The following CCSER1 variants were observed in gnomAD, a reference collection of about 807,000 sequenced individuals.
CCSER1 encodes the protein coiled-coil serine rich protein 1, also known as serine-rich coiled-coil domain-containing protein 1.
Under a neutral mutation model 82.0 loss-of-function variants are expected in CCSER1, and 41 were observed. That is an observed-to-expected ratio of 0.50 (90% confidence interval 0.39 to 0.65). The LOEUF is 0.65. CCSER1 is among the 30% of genes least tolerant of loss of function. The pLI is 0.00. For synonymous variants in CCSER1, 414 were observed against 383.9 expected (o/e 1.08, Z -0.92); for missense variants, 1,119 against 1,064.2 (o/e 1.05, Z -0.72).
intron 1 of CCSER1, among the ~76,000 whole-genome samples, chr4:90,263,869 T>A (rs910850807): frequency 6.6e-6 from 1 of 152,150 alleles, no homozygotes; most frequent in African/African-American, 2.4e-5. Context: ...TGCAGCAGAC[T>A]ATTATACTCC....
chr4:90,193,301 G>A (rs1374330677), intron 1 of CCSER1, among the ~76,000 whole-genome samples: 1 of 152,030 alleles, frequency 6.6e-6, no homozygotes, highest in East Asian at 1.9e-4. Context: ...GGCACATAGT[G>A]TTCAATAAAT....
intron 7 of CCSER1, among the ~76,000 whole-genome samples, chr4:90,738,710 C>G (rs1323639088): frequency 6.6e-6 from 1 of 152,152 alleles, no homozygotes; most frequent in Non-Finnish European, 1.5e-5. Context: ...TTGTTTTCTT[C>G]CCTTCACGGC....
At position 91,238,094 on chromosome 4, in the gene CCSER1, G is replaced by T. The variant is rs76618292; in HGVS notation, c.2217+152100G>T. Among the ~76,000 whole-genome samples the T allele has an allele frequency of 2.9e-4, 44 of 152,158 alleles. No homozygotes were observed. The East Asian group carries it at 7.6e-3, about 26-fold the overall frequency. ...AATGACCCATTCTTTATATCATTCC[G>T]CTCTTCTTTAGTGTCAACAGGATTT... On this transcript the variant is annotated intron_variant, in intron 10 of 10. Coordinates refer to ENST00000509176, the MANE Select transcript of CCSER1 (RefSeq NM_001145065.2).
chr4:90,901,970 C>G (rs948973343), intron 8 of CCSER1, among the ~76,000 whole-genome samples: 2 of 151,790 alleles, frequency 1.3e-5, no homozygotes, highest in African/African-American at 4.8e-5. Flanking sequence ...TTCTTAAAGA[C>G]TTTCTTCATT....
At chr4:91,048,161 C>T (rs1183475880) in intron 9 of CCSER1, among the ~76,000 whole-genome samples, 1 of 151,908 alleles carries the variant, frequency 6.6e-6, no homozygotes, top group African/African-American at 2.4e-5. Context: ...TAATTTCCTT[C>T]CAAATAATTA....
At chr4:91,579,118 ATATTATTAT>A (rs925488520) in intron 10 of CCSER1, among the ~76,000 whole-genome samples, 12 of 150,870 alleles carry the variant, frequency 8.0e-5, no homozygotes, top group African/African-American at 2.7e-4. Context: ...TATTATTATT[ATATTATTAT>A]TATTATTATT....
At chr4:91,162,583 T>A (rs1455327156) in intron 10 of CCSER1, among the ~76,000 whole-genome samples, 1 of 152,208 alleles carries the variant, frequency 6.6e-6, no homozygotes, top group Admixed American at 6.5e-5. Context: ...GTTGCTAGGC[T>A]CTTAATTATT....
At chr4:90,715,541 C>A (rs1741484843) in intron 6 of CCSER1, among the ~76,000 whole-genome samples, 1 of 152,008 alleles carries the variant, frequency 6.6e-6, no homozygotes, top group Non-Finnish European at 1.5e-5. Context: ...AACACTGAGA[C>A]AATCATCTCT....
intron 9 of CCSER1, among the ~76,000 whole-genome samples, chr4:91,016,133 A>G (rs899647505): frequency 6.6e-6 from 1 of 152,036 alleles, no homozygotes; most frequent in Non-Finnish European, 1.5e-5. Context: ...AAAAATAATT[A>G]TAGTTTTAAT....
chr4:91,219,984 G>T (rs182423536), intron 10 of CCSER1, among the ~76,000 whole-genome samples: 1 of 152,128 alleles, frequency 6.6e-6, no homozygotes, highest in Non-Finnish European at 1.5e-5. Context: ...TACTCAAAAC[G>T]TCATATATAA....
rs572941642 is a variant in CCSER1 at position 90,578,027 on chromosome 4, G to C, written c.1725-49998G>C. The stretch of plus-strand genomic sequence containing the variant: ...ACAGTAGAAACTGAACTGATTTAGA[G>C]TATGTCAAACGTGGGTTAGACTCGT... On this transcript the variant is annotated intron_variant, in intron 5 of 10. Coordinates refer to ENST00000509176, the MANE Select transcript of CCSER1 (RefSeq NM_001145065.2). Among the ~76,000 whole-genome samples, 17 of 152,204 alleles carry C rather than the reference G, an allele frequency of 1.1e-4. No individual in the cohort carries two copies. The East Asian group carries it at 3.3e-3, about 29-fold the overall frequency.
Position 91,143,643 on chromosome 4 carries a change from T to G in CCSER1, c.2217+57649T>G, listed in dbSNP as rs139124699. Among the ~76,000 whole-genome samples the G allele has an allele frequency of 5.2e-3, 788 of 152,242 alleles. 2 individuals carry two copies. Among genetic ancestry groups the G allele is most frequent in the Non-Finnish European group, 8.1e-3 (548 of 67,964 alleles). On this transcript the variant is annotated intron_variant, in intron 10 of 10. Coordinates refer to ENST00000509176, the MANE Select transcript of CCSER1 (RefSeq NM_001145065.2). ...TGGCTCTTATTATTTTAAAGTATGTTACTTCAATGCCTAGTTTCTTTAGTA... is the reference window on the plus strand; with the variant it reads ...TGGCTCTTATTATTTTAAAGTATGTGACTTCAATGCCTAGTTTCTTTAGTA...
intron 1 of CCSER1, among the ~76,000 whole-genome samples, chr4:90,213,028 G>T (rs1287543137): frequency 6.6e-6 from 1 of 152,040 alleles, no homozygotes; most frequent in African/African-American, 2.4e-5. Flanking sequence ...AAGGATTTTG[G>T]GTTTTATCTG....
intron 4 of CCSER1, among the ~76,000 whole-genome samples, chr4:90,443,451 C>G (rs1760190824): frequency 6.6e-6 from 1 of 152,096 alleles, no homozygotes; most frequent in African/African-American, 2.4e-5. Context: ...GGAAGACTCA[C>G]ATCCTGGGTG....
chr4:90,809,206 G>A (rs1300294550), intron 7 of CCSER1, among the ~76,000 whole-genome samples: 2 of 150,584 alleles, frequency 1.3e-5, no homozygotes, highest in African/African-American at 2.5e-5. Context: ...TGTAGTCCTA[G>A]CTACTCAAGA....
intron 4 of CCSER1, among the ~76,000 whole-genome samples, chr4:90,410,437 G>A (rs751547338): frequency 6.6e-6 from 1 of 152,084 alleles, no homozygotes; most frequent in Non-Finnish European, 1.5e-5. Context: ...CTGTCTCTCC[G>A]ACCACAGTGC....
intron 8 of CCSER1, among the ~76,000 whole-genome samples, chr4:90,817,785 G>C (rs1050195315): frequency 6.6e-6 from 1 of 152,290 alleles, no homozygotes; most frequent in African/African-American, 2.4e-5. Context: ...GCATGGATAA[G>C]AAATGCCAAT....
chr4:90,214,704 G>A (rs900111463), intron 1 of CCSER1, among the ~76,000 whole-genome samples: 6 of 152,114 alleles, frequency 3.9e-5, no homozygotes, highest in African/African-American at 1.2e-4. Context: ...AGAGTAAATT[G>A]TGAAATTAGA....
At chr4:91,375,017 G>T (rs1345852740) in intron 10 of CCSER1, among the ~76,000 whole-genome samples, 1 of 152,078 alleles carries the variant, frequency 6.6e-6, no homozygotes, top group Non-Finnish European at 1.5e-5. Flanking sequence ...TTGTCATTTT[G>T]TAAGGCTATA....
Sources: allele counts gnomAD v4.1 joint callset (sites outside exome capture counted in the v4.1 genomes callset), GRCh38; gene constraint gnomAD v4.1.1; transcripts MANE v1.5; gene names NCBI Gene and HGNC (gene_info 2026-07-23, HGNC 2026-07-21).